Variants in PDE1C observed in about 807,000 individuals in gnomAD.
PDE1C encodes phosphodiesterase 1C.
In PDE1C, 62 loss-of-function variants were observed where a neutral mutation model predicts 93.1. The observed-to-expected ratio is 0.67, with a 90% CI of 0.54 to 0.82. PDE1C has a LOEUF of 0.82. PDE1C is among the 40% of genes least tolerant of loss of function. PDE1C has a pLI of 0.00. For missense variants in PDE1C, 742 were observed against 884.6 expected (o/e 0.84, Z 2.04); for synonymous variants, 325 against 310.1 (o/e 1.05, Z -0.50).
At chr7:32,256,450 C>T (rs1234700012) in intron 1 of PDE1C, among the ~76,000 whole-genome samples, 1 of 152,112 alleles carries the variant, frequency 6.6e-6, no homozygotes, top group Non-Finnish European at 1.5e-5. Context: ...GAATTCGCAC[C>T]CCAGCTCCCC....
At chr7:31,696,602 G>A in the PDE1C span, among the ~76,000 whole-genome samples, 1 of 152,186 alleles carries the variant, frequency 6.6e-6, no homozygotes, top group African/African-American at 2.4e-5. Context: ...TGAAGAGGAT[G>A]AGATTTGGAG....
chr7:31,923,097 T>C (rs1802839369), intron 2 of PDE1C, among the ~76,000 whole-genome samples: 1 of 152,084 alleles, frequency 6.6e-6, no homozygotes, highest in South Asian at 2.1e-4. Context: ...GGACTCCGAG[T>C]GGCTGATGCT....
chr7:32,114,014 T>A (rs914550805), intron 3 of PDE1C, among the ~76,000 whole-genome samples: 1 of 152,128 alleles, frequency 6.6e-6, no homozygotes, highest in Non-Finnish European at 1.5e-5. Context: ...TCTATCCTCA[T>A]GGATAGGAAG....
chr7:32,093,863 T>C (rs11975956), intron 3 of PDE1C, among the ~76,000 whole-genome samples: 96,083 of 152,106 alleles, frequency 0.63, 30,566 homozygotes, highest in African/African-American at 0.68. Flanking sequence ...GAGCTCTTTA[T>C]CAGATGGGCC....
intron 1 of PDE1C, among the ~76,000 whole-genome samples, chr7:32,287,967 C>G (rs1308626583): frequency 2.0e-5 from 3 of 152,162 alleles, no homozygotes; most frequent in African/African-American, 4.8e-5. Context: ...CTTTAGGAGG[C>G]CTAGGCAGGC....
At chr7:32,002,781 A>C (rs1188077466) in intron 2 of PDE1C, among the ~76,000 whole-genome samples, 1 of 152,142 alleles carries the variant, frequency 6.6e-6, no homozygotes. Flanking sequence ...CTTCCTTTGA[A>C]CTGGGTATTT....
chr7:31,752,535 T>C lies in PDE1C; in HGVS notation c.*849A>G, dbSNP rs1794188889. 6.6e-6 allele frequency: 1 copy of C among 152,114 alleles called. No individual in the cohort carries two copies. The highest frequency in any genetic ancestry group is 6.5e-5 in the Admixed American group (1 of 15,278). The allele number at this position is 152,114 out of a possible 1,614,324, so 9.4% of individuals were successfully genotyped here. On this transcript the variant is annotated 3_prime_UTR_variant, in exon 18 of 18. Transcript: ENST00000396191. ...AAACTAGGCTCAGAATTTTACACCC[T>C]CTTGGCCTAGGACCACAAAATCAAA...
At chr7:32,305,681 G>A in intron 1 of PDE1C, among the ~76,000 whole-genome samples, 1 of 152,208 alleles carries the variant, frequency 6.6e-6, no homozygotes, top group East Asian at 1.9e-4. Flanking sequence ...TGTAGAAGGA[G>A]CATTTCTCAT....
chr7:31,828,496 T>G, intron 11 of PDE1C, 123 bp from the exon 12 acceptor site: 1 of 632,040 alleles, frequency 1.6e-6, no homozygotes, highest in Non-Finnish European at 2.7e-6. Context: ...AATTACATTA[T>G]AAAATAAGTC....
At chr7:31,889,696 T>A (rs1390874783) in intron 2 of PDE1C, among the ~76,000 whole-genome samples, 15 of 152,206 alleles carry the variant, frequency 9.9e-5, no homozygotes, top group Admixed American at 9.8e-4. Context: ...AAAGTGAGTG[T>A]GTCAGCTCAC....
At chr7:31,848,951 G>A (rs1792973553) in intron 8 of PDE1C, among the ~76,000 whole-genome samples, 1 of 152,194 alleles carries the variant, frequency 6.6e-6, no homozygotes. Flanking sequence ...AAAGGATTAA[G>A]GGCCTGGTCA....
At chr7:31,938,508 T>C (rs959279262) in intron 2 of PDE1C, among the ~76,000 whole-genome samples, 8 of 152,140 alleles carry the variant, frequency 5.3e-5, no homozygotes, top group Non-Finnish European at 1.0e-4. Context: ...TTTTACCTGA[T>C]ATTTACTCTT....
At chr7:32,170,354 T>C (rs1802564571) in intron 2 of PDE1C, among the ~76,000 whole-genome samples, 1 of 152,072 alleles carries the variant, frequency 6.6e-6, no homozygotes, top group East Asian at 1.9e-4. Context: ...CAAGACTCCA[T>C]TCTATGGAGA....
chr7:31,764,586 C>A (rs1795026700), intron 17 of PDE1C, among the ~76,000 whole-genome samples: 1 of 152,178 alleles, frequency 6.6e-6, no homozygotes, highest in Admixed American at 6.5e-5. Flanking sequence ...AGAAAACTGT[C>A]AAGGACACTT....
chr7:31,686,699 T>C, the PDE1C span: 8 of 152,162 alleles, frequency 5.3e-5, no homozygotes, highest in African/African-American at 1.4e-4. Context: ...TCTCACAAGG[T>C]TGGCCTGAGG....
At chr7:31,967,475 A>G (rs952170082) in intron 2 of PDE1C, among the ~76,000 whole-genome samples, 10 of 152,262 alleles carry the variant, frequency 6.6e-5, no homozygotes. Context: ...TTAATAGCTC[A>G]CCAACCAAAG....
At chr7:31,802,425 TTTATA>T (rs1022166853) in intron 16 of PDE1C, among the ~76,000 whole-genome samples, 26 of 151,712 alleles carry the variant, frequency 1.7e-4, no homozygotes, top group Admixed American at 1.7e-3. Flanking sequence ...AAACAGTACA[TTTATA>T]TTATTTTGTT....
the PDE1C span, among the ~76,000 whole-genome samples, chr7:31,616,845 T>C: frequency 6.6e-6 from 1 of 151,492 alleles, no homozygotes; most frequent in Non-Finnish European, 1.5e-5. Context: ...TTATCAGATA[T>C]CCAAACCTCT....
intron 3 of PDE1C, among the ~76,000 whole-genome samples, chr7:32,126,832 GAAGTA>G (rs1799608402): frequency 6.6e-6 from 1 of 152,118 alleles, no homozygotes; most frequent in Non-Finnish European, 1.5e-5. Context: ...AATCAAATTA[GAAGTA>G]AAGTGTAGAA....
Sources: allele counts gnomAD v4.1 joint callset (sites outside exome capture counted in the v4.1 genomes callset), GRCh38; gene constraint gnomAD v4.1.1; transcripts MANE v1.5; gene names NCBI Gene and HGNC (gene_info 2026-07-23, HGNC 2026-07-21).